The following PLEKHG5 variants were observed in gnomAD, a reference collection of about 807,000 sequenced individuals.
PLEKHG5 encodes pleckstrin homology domain-containing family G member 5.
PLEKHG5 carries 52 observed loss-of-function variants against 103.8 expected under a neutral mutation model. The observed-to-expected ratio is 0.50, with a 90% CI of 0.40 to 0.63. The LOEUF is 0.63. PLEKHG5 is among the 30% of genes least tolerant of loss of function. The pLI is 0.00. For synonymous variants in PLEKHG5, 592 were observed against 575.5 expected (o/e 1.03, Z -0.41); for missense variants, 1,205 against 1,347.6 (o/e 0.89, Z 1.66).
chr1:6,473,712 A>G (rs946979065), intron 7 of PLEKHG5, among the ~76,000 whole-genome samples: 3 of 152,140 alleles, frequency 2.0e-5, no homozygotes, highest in African/African-American at 7.2e-5. Context: ...TGCACTCTGG[A>G]ACACAGCTCT....
At position 6,472,511 on chromosome 1, in the gene PLEKHG5, C is replaced by G. The variant is rs369325797; in HGVS notation, c.1080+16G>C. 1.5e-5 allele frequency: 24 copies of G among 1,578,194 alleles called. No homozygotes were observed. Among genetic ancestry groups the G allele is most frequent in the Non-Finnish European group, 1.8e-5 (21 of 1,148,180 alleles). ...GGGGCAGGGTGGCCACGGGGACCAGCGCAGCCCCTACTCACGTTGATGATC... is the reference window on the plus strand; with the variant it reads ...GGGGCAGGGTGGCCACGGGGACCAGGGCAGCCCCTACTCACGTTGATGATC... On this transcript the variant is annotated intron_variant, in intron 10 of 20. Transcript: ENST00000377728.
In PLEKHG5 at chr1:6,486,021, C is replaced by T. The variant is rs1026021906; in HGVS notation, c.-88+5616G>A. On this transcript the variant is annotated intron_variant, in intron 1 of 20. Coordinates refer to ENST00000377728, the MANE Select transcript of PLEKHG5 (RefSeq NM_020631.6). The surrounding 1 kb of genome is among the most constrained non-coding windows in gnomAD (Gnocchi z 5.3). ...ACTGTGGAGCCCCTCCCCTGGGTGA[C>T]TCGATCCCCGCCCAGCCCTGGGGGT... The T allele has an allele frequency of 2.1e-6, 1 of 482,816 alleles. No homozygotes were observed. Among genetic ancestry groups the T allele is most frequent in the African/African-American group, 2.2e-5 (1 of 45,108 alleles). 29.9% of individuals were successfully genotyped at this position (482,816 alleles called of 1,614,324 possible).
chr1:6,498,434 G>C (rs1645258021), upstream of PLEKHG5, among the ~76,000 whole-genome samples: 1 of 152,172 alleles, frequency 6.6e-6, no homozygotes, highest in South Asian at 2.1e-4. Flanking sequence ...CAGCAAAGTA[G>C]CACGGATCCC....
Position 6,467,946 on chromosome 1 carries a change from C to A in PLEKHG5, c.2890G>T (p.Ala964Ser), listed in dbSNP as rs769618589. 3 of 1,574,840 alleles carry A rather than the reference C, an allele frequency of 1.9e-6. No homozygotes were observed. Among genetic ancestry groups the A allele is most frequent in the Non-Finnish European group, 2.6e-6 (3 of 1,161,814 alleles). The stretch of plus-strand genomic sequence containing the variant: ...GGCTCAGGCTGGACCCTGGGAGAGG[C>A]CCCCGAGGGCAGGTCTCCACACCTC... ...RKRCGDLPSG[A>S]SPRVQPEPPP... The change falls in exon 20 of 21, where the codon GCC (alanine) becomes TCC (serine). Residue 964 changes from alanine (A) to serine (S), a missense_variant. Transcript: ENST00000377728.
chr1:6,474,570 A>T lies in PLEKHG5; in HGVS notation c.320T>A (p.Val107Glu). 1 of 1,613,634 alleles carries T rather than the reference A, an allele frequency of 6.2e-7. No homozygotes were observed. Among genetic ancestry groups the T allele is most frequent in the Non-Finnish European group, 8.5e-7 (1 of 1,179,966 alleles). Residue 107 changes from valine (V) to glutamate (E), a missense_variant, in exon 6 of 21, where the codon GTA becomes GAA. Val to Glu is a moderately radical substitution (Grantham distance 121). Transcript: ENST00000377728. Reference protein sequence around the residue: ...KKSLGEVLLPVFERKGIALGK... With the variant: ...KKSLGEVLLPEFERKGIALGK... ...CAGCGCAATGCCCTTCCTTTCAAATACAGGCAGCAGCACCTCCCTGCCCCC... is the reference window on the plus strand; with the variant it reads ...CAGCGCAATGCCCTTCCTTTCAAATTCAGGCAGCAGCACCTCCCTGCCCCC...
chr1:6,499,786 C>CTTAAT (rs1215730732), upstream of PLEKHG5, among the ~76,000 whole-genome samples: 6 of 151,990 alleles, frequency 3.9e-5, no homozygotes, highest in Non-Finnish European at 7.4e-5. Flanking sequence ...CTGGGTTTTT[C>CTTAAT]TTAATTTAAT....
chr1:6,497,911 A>G (rs1402715831), upstream of PLEKHG5, among the ~76,000 whole-genome samples: 1 of 152,010 alleles, frequency 6.6e-6, no homozygotes, highest in African/African-American at 2.4e-5. The surrounding 1 kb of genome is among the most constrained non-coding windows in gnomAD (Gnocchi z 6.1). Flanking sequence ...AGCTCAACAC[A>G]TTTTCAGGAA....
intron 5 of PLEKHG5, 47 bp downstream of exon 5, chr1:6,475,000 C>A: frequency 8.7e-7 from 1 of 1,148,426 alleles, no homozygotes; most frequent in East Asian, 2.3e-5. Flanking sequence ...CATGGGGCCA[C>A]CCCTACTCCC....
rs145662232 is a variant in PLEKHG5, at chr1:6,486,750, A to C, written c.-88+4887T>G. Among the ~76,000 whole-genome samples the C allele has an allele frequency of 1.3e-5, 2 of 152,350 alleles. No individual in the cohort carries two copies. Among genetic ancestry groups the C allele is most frequent in the African/African-American group, 4.8e-5 (2 of 41,584 alleles). ...CTTTTACACTGATTCCCAGGAAGGC[A>C]GGGCAGGCACCATTAGCCCCATTCA... On this transcript the variant is annotated intron_variant, in intron 1 of 20. Transcript: ENST00000377728. The surrounding 1 kb of genome is among the most constrained non-coding windows in gnomAD (Gnocchi z 5.3).
chr1:6,471,096 C>A lies in PLEKHG5; in HGVS notation c.1286G>T (p.Gly429Val). ...GCGGATGTAGGGCTTGAAGAGCGAG[C>A]CGAACTGGCCCGGGGCAGAACAACC... ...GDFLKGFKMFGSLFKPYIRYC... is the reference protein window; with the variant it reads ...GDFLKGFKMFVSLFKPYIRYC... The change falls in exon 13 of 21, where the codon GGC (glycine) becomes GTC (valine). Residue 429 changes from glycine to valine, a missense_variant. Physicochemically the swap from Gly to Val is moderately radical, Grantham distance 109 (BLOSUM62 -3). Coordinates refer to ENST00000377728, the MANE Select transcript of PLEKHG5 (RefSeq NM_020631.6). 1 of 1,577,186 alleles carries A rather than the reference C, an allele frequency of 6.3e-7. No individual in the cohort carries two copies. Among genetic ancestry groups the A allele is most frequent in the Non-Finnish European group, 8.6e-7 (1 of 1,162,570 alleles).
At position 6,486,644 on chromosome 1, in the gene PLEKHG5, AGG is replaced by A. The variant is rs1645044474; in HGVS notation, c.-88+4991_-88+4992del. Among the ~76,000 whole-genome samples, 1 of 152,208 alleles carries A rather than the reference AGG, an allele frequency of 6.6e-6. No homozygotes were observed. Among genetic ancestry groups the A allele is most frequent in the African/African-American group, 2.4e-5 (1 of 41,452 alleles). On this transcript the variant is annotated intron_variant, in intron 1 of 20. Transcript: ENST00000377728. This position sits in a 1 kb window ranked among gnomAD's most constrained non-coding sequence, Gnocchi z 5.3. ...AGTTCTAGGCCAGGTCCCCACCGCC[AGG>A]GGGCACTCAGCAAAGCCTGAGAGGA...
chr1:6,516,323 T>A (rs1334826005), intron 1 of PLEKHG5, among the ~76,000 whole-genome samples: 1 of 152,160 alleles, frequency 6.6e-6, no homozygotes, highest in African/African-American at 2.4e-5. Flanking sequence ...AGGCCTGGTT[T>A]AAAATTTCAG....
Position 6,469,554 on chromosome 1 carries a change from T to C in PLEKHG5, c.1923A>G (p.Leu641=). The change falls in exon 17 of 21, where the codon CTA becomes CTG. Residue 641 remains leucine (L), a synonymous_variant. Coordinates refer to ENST00000377728, the MANE Select transcript of PLEKHG5 (RefSeq NM_020631.6). ...ACCAGGGCTCCTTACCAGGGTCCCGTAGCTCCCGGCACACAATCTTGTCCA... is the reference window on the plus strand; with the variant it reads ...ACCAGGGCTCCTTACCAGGGTCCCGCAGCTCCCGGCACACAATCTTGTCCA... ...LLVDKIVCRE[L]RDPGSFLLIY... The C allele has an allele frequency of 6.2e-7, 1 of 1,613,840 alleles. No individual in the cohort carries two copies. Among genetic ancestry groups the C allele is most frequent in the Non-Finnish European group, 8.5e-7 (1 of 1,180,030 alleles).
rs1024197219 is a variant in PLEKHG5 at position 6,474,148 on chromosome 1, T to C, written c.456A>G (p.Gly152=). ...TGCCCTGCTCCACCTTGCCCTCATC[T>C]CCAGGCTTGGCTGGGGCTGCATGTG... ...YLRVKAPAKP[G]DEGKVEQGMK... is the part of the protein sequence containing the mutation. The change falls in exon 7 of 21, where the codon GGA becomes GGG. Residue 152 remains glycine, a synonymous_variant. Coordinates refer to ENST00000377728, the MANE Select transcript of PLEKHG5 (RefSeq NM_020631.6). 6.2e-7 allele frequency: 1 copy of C among 1,613,450 alleles called. No individual in the cohort carries two copies. Among genetic ancestry groups the C allele is most frequent in the Non-Finnish European group, 8.5e-7 (1 of 1,179,954 alleles).
chr1:6,467,648 C>T lies in PLEKHG5; in HGVS notation c.3012-76G>A, dbSNP rs1318317995. On this transcript the variant is annotated intron_variant, in intron 20 of 20. Transcript: ENST00000377728. ...GTGGCTCTGGTCACCCTCTCTTCCC[C>T]ACGGCACTCCTCAGGCCCCTTCACT... The T allele has an allele frequency of 2.0e-6, 3 of 1,526,362 alleles. No homozygotes were observed. The African/African-American group carries it at 4.1e-5, about 21-fold the overall frequency. 94.6% of individuals were successfully genotyped at this position (1,526,362 alleles called of 1,614,324 possible).
At position 6,474,087 on chromosome 1, in the gene PLEKHG5, GC is replaced by G. The variant is rs1553175079; in HGVS notation, c.516del (p.Arg173GlyfsTer95). The G allele has an allele frequency of 1.2e-6, 2 of 1,612,410 alleles. No individual in the cohort carries two copies. Among genetic ancestry groups the G allele is most frequent in the Non-Finnish European group, 1.7e-6 (2 of 1,179,610 alleles). ...GCGGGGGGCCCGGTCCCAGCTGGCC[GC>G]AGAATCGGCAAACTCAGGGACTTGG... ...KDSKSLSLPI[L>X]RPAGTGPPAL... On this transcript the variant is annotated frameshift_variant, in exon 7 of 21. Transcript: ENST00000377728. LOFTEE classifies it high-confidence loss of function.
At chr1:6,495,970 C>T (rs1645218318), upstream of PLEKHG5, among the ~76,000 whole-genome samples, 1 of 152,214 alleles carries the variant, frequency 6.6e-6, no homozygotes, top group Non-Finnish European at 1.5e-5. Context: ...ATACTTCGCC[C>T]CACTCCCAGC....
At chr1:6,480,290 A>G (rs1644865795) in intron 1 of PLEKHG5, among the ~76,000 whole-genome samples, 1 of 151,986 alleles carries the variant, frequency 6.6e-6, no homozygotes, top group Non-Finnish European at 1.5e-5. Context: ...GCACTTTGGG[A>G]GGCCGAGGCG....
intron 1 of PLEKHG5, among the ~76,000 whole-genome samples, chr1:6,507,557 T>C (rs1413844105): frequency 1.3e-5 from 2 of 151,610 alleles, no homozygotes; most frequent in Admixed American, 1.3e-4. Flanking sequence ...ACAGACCAGA[T>C]GCCTGGCAAC....
Sources: allele counts gnomAD v4.1 joint callset (sites outside exome capture counted in the v4.1 genomes callset), GRCh38; gene constraint gnomAD v4.1.1; non-coding constraint Gnocchi (gnomAD v3.1); transcripts MANE v1.5; gene names NCBI Gene and HGNC (gene_info 2026-07-23, HGNC 2026-07-21).